UBE2E2: variants seen among roughly 807,000 people sequenced by gnomAD.
UBE2E2 encodes ubiquitin-conjugating enzyme E2 E2.
A neutral mutation model predicts 24.7 loss-of-function variants in UBE2E2; 6 were observed. That is an observed-to-expected ratio of 0.24 (90% CI 0.13 to 0.48). The LOEUF is 0.48. Ranked by LOEUF, UBE2E2 falls within the 20% of genes least tolerant of loss-of-function variation. UBE2E2 has a pLI of 0.99. For synonymous variants in UBE2E2, 104 were observed against 83.6 expected (o/e 1.24, Z -1.33); for missense variants, 169 against 245.0 (o/e 0.69, Z 2.07).
rs3057372 is a variant in UBE2E2 at position 23,257,530 on chromosome 3, C to CTT, written c.227+40241_227+40242dup. On this transcript the variant is annotated intron_variant, in intron 3 of 5. Transcript: ENST00000396703. ...TTCCCGTGCCCCCCCCCCCCCCCCA[C>CTT]TTTTTTTTTTTTTTTTTTTTTTTTA... Among the ~76,000 whole-genome samples, 6 of 16,258 alleles carry CTT rather than the reference C, an allele frequency of 3.7e-4. 1 individual carries two copies. Among genetic ancestry groups the CTT allele is most frequent in the African/African-American group, 4.8e-4 (2 of 4,194 alleles). The allele number at this position is 16,258 out of a possible 152,430, so 10.7% of individuals were successfully genotyped here.
At chr3:23,411,933 T>G (rs1232011578) in intron 3 of UBE2E2, among the ~76,000 whole-genome samples, 1 of 152,188 alleles carries the variant, frequency 6.6e-6, no homozygotes, top group Non-Finnish European at 1.5e-5. Context: ...CTAATTGCAG[T>G]ACAAACGAAA....
At chr3:23,502,870 C>T (rs1699754183) in intron 4 of UBE2E2, among the ~76,000 whole-genome samples, 1 of 152,160 alleles carries the variant, frequency 6.6e-6, no homozygotes, top group African/African-American at 2.4e-5. Flanking sequence ...GTAGGTAAGG[C>T]ATTTTACATA....
chr3:23,362,906 C>T (rs1250369189), intron 3 of UBE2E2, among the ~76,000 whole-genome samples: 2 of 143,720 alleles, frequency 1.4e-5, no homozygotes, highest in African/African-American at 2.6e-5. Context: ...GGTAGGTCAC[C>T]TACAAAGGGA....
chr3:23,528,680 G>A (rs1559412470), intron 4 of UBE2E2, among the ~76,000 whole-genome samples: 1 of 152,262 alleles, frequency 6.6e-6, no homozygotes, highest in Non-Finnish European at 1.5e-5. Context: ...TTGCTTCTGC[G>A]TATCTCTTAG....
intron 3 of UBE2E2, among the ~76,000 whole-genome samples, chr3:23,276,459 C>T (rs1213591957): frequency 6.6e-6 from 1 of 152,032 alleles, no homozygotes; most frequent in Non-Finnish European, 1.5e-5. Flanking sequence ...TTTCATTTAC[C>T]TTCTTTGAAT....
intron 5 of UBE2E2, among the ~76,000 whole-genome samples, chr3:23,543,536 CAA>C (rs888016783): frequency 4.2e-5 from 5 of 118,316 alleles, no homozygotes; most frequent in African/African-American, 1.9e-4. Flanking sequence ...AGGAATACTA[CAA>C]AACACTGCTA....
At chr3:23,527,634 C>T (rs1031079667) in intron 4 of UBE2E2, among the ~76,000 whole-genome samples, 10 of 152,066 alleles carry the variant, frequency 6.6e-5, no homozygotes, top group African/African-American at 2.4e-4. Context: ...CCCCTATAAC[C>T]CTCAGGGAGA....
chr3:23,226,178 C>T (rs9861614), intron 3 of UBE2E2, among the ~76,000 whole-genome samples: 6,371 of 151,846 alleles, frequency 0.042, 459 homozygotes, highest in African/African-American at 0.15. Flanking sequence ...TGCGCCTGGC[C>T]GAAAAGTGTA....
At chr3:23,364,656 C>G (rs958653617) in intron 3 of UBE2E2, among the ~76,000 whole-genome samples, 1 of 152,104 alleles carries the variant, frequency 6.6e-6, no homozygotes, top group African/African-American at 2.4e-5. Flanking sequence ...ACAAAAATCC[C>G]AGGACCAGAC....
chr3:23,229,466 C>T (rs1696918514), intron 3 of UBE2E2, among the ~76,000 whole-genome samples: 2 of 152,058 alleles, frequency 1.3e-5, no homozygotes, highest in South Asian at 2.1e-4. Flanking sequence ...CCCCTGAGTC[C>T]CCAAAGTCTG....
At chr3:23,246,214 C>T (rs1402214578) in intron 3 of UBE2E2, among the ~76,000 whole-genome samples, 1 of 86,910 alleles carries the variant, frequency 1.2e-5, no homozygotes, top group Admixed American at 9.9e-5. Context: ...TGCCACCATG[C>T]GTGGCTAATT....
chr3:23,530,325 T>G (rs1695093030), intron 4 of UBE2E2, among the ~76,000 whole-genome samples: 2 of 152,196 alleles, frequency 1.3e-5, no homozygotes, highest in African/African-American at 4.8e-5. Flanking sequence ...GACCTATCAG[T>G]TACTGTGGTG....
intron 3 of UBE2E2, among the ~76,000 whole-genome samples, chr3:23,387,919 T>C (rs1696839504): frequency 6.6e-6 from 1 of 152,128 alleles, no homozygotes; most frequent in African/African-American, 2.4e-5. Flanking sequence ...CAATGTGATC[T>C]AAAAATAACA....
At chr3:23,531,851 C>CA (rs1396478536) in intron 4 of UBE2E2, among the ~76,000 whole-genome samples, 1 of 152,018 alleles carries the variant, frequency 6.6e-6, no homozygotes, top group Non-Finnish European at 1.5e-5. Flanking sequence ...GACTTGAGGT[C>CA]AGGAGTTCAA....
chr3:23,518,733 C>G (rs964128352), intron 4 of UBE2E2, among the ~76,000 whole-genome samples: 8 of 152,186 alleles, frequency 5.3e-5, no homozygotes, highest in Admixed American at 2.6e-4. Context: ...TGCCTTGTCC[C>G]TTTTTCCCTC....
intron 4 of UBE2E2, among the ~76,000 whole-genome samples, chr3:23,526,421 G>A (rs1481113503): frequency 6.6e-6 from 1 of 152,100 alleles, no homozygotes; most frequent in African/African-American, 2.4e-5. Flanking sequence ...ACAATAAGAG[G>A]TTATAACCCC....
intron 5 of UBE2E2, among the ~76,000 whole-genome samples, chr3:23,555,144 C>T (rs1466432380): frequency 2.6e-5 from 4 of 151,910 alleles, no homozygotes; most frequent in African/African-American, 4.8e-5. Flanking sequence ...CTTGAACTCC[C>T]GACCTCATGT....
intron 4 of UBE2E2, among the ~76,000 whole-genome samples, chr3:23,505,550 C>T (rs1422501679): frequency 1.3e-5 from 2 of 152,066 alleles, no homozygotes; most frequent in African/African-American, 4.8e-5. Flanking sequence ...AAAATTTGTG[C>T]CTCAGGTGTT....
At chr3:23,428,721 C>T (rs2125398303) in intron 3 of UBE2E2, among the ~76,000 whole-genome samples, 1 of 151,934 alleles carries the variant, frequency 6.6e-6, no homozygotes, top group Non-Finnish European at 1.5e-5. Flanking sequence ...ACCCTGTAAT[C>T]CCAGCAATAT....
Sources: allele counts gnomAD v4.1 joint callset (sites outside exome capture counted in the v4.1 genomes callset), GRCh38; gene constraint gnomAD v4.1.1; transcripts MANE v1.5; gene names NCBI Gene and HGNC (gene_info 2026-07-23, HGNC 2026-07-21).